The following PKIB variants were observed in gnomAD, a reference collection of about 807,000 sequenced individuals.
PKIB encodes the protein cAMP-dependent protein kinase inhibitor beta.
In PKIB, 2 loss-of-function variants were observed where a neutral mutation model predicts 4.5. That is an observed-to-expected ratio of 0.44 (90% CI 0.18 to 1.39). The LOEUF (loss-of-function observed/expected upper bound fraction) is 1.39. Ranked by LOEUF, PKIB falls within the 40% of genes most tolerant of loss-of-function variation. The pLI, the probability that PKIB is intolerant of heterozygous loss-of-function variation, is 0.27. For missense variants in PKIB, 94 were observed against 92.6 expected (o/e 1.02, Z -0.06); for synonymous variants, 38 against 36.0 (o/e 1.06, Z -0.20).
At chr6:122,557,891 G>C (rs1772893625) in intron 2 of PKIB, among the ~76,000 whole-genome samples, 2 of 152,092 alleles carry the variant, frequency 1.3e-5, no homozygotes, top group African/African-American at 4.8e-5. Flanking sequence ...GGTAAGGTCT[G>C]ATTTTTACAA....
intron 2 of PKIB, among the ~76,000 whole-genome samples, chr6:122,577,960 A>C (rs948443172): frequency 1.3e-5 from 2 of 151,876 alleles, no homozygotes; most frequent in Non-Finnish European, 2.9e-5. Context: ...TATTTAGAAC[A>C]CATTAACTGG....
chr6:122,637,999 A>T (rs1347873361), intron 2 of PKIB, among the ~76,000 whole-genome samples: 3 of 152,188 alleles, frequency 2.0e-5, no homozygotes, highest in Non-Finnish European at 4.4e-5. Flanking sequence ...TTAAAATAAC[A>T]TGTTAAAATA....
intron 3 of PKIB, among the ~76,000 whole-genome samples, chr6:122,708,906 T>C (rs1231725256): frequency 6.6e-6 from 1 of 152,182 alleles, no homozygotes; most frequent in Non-Finnish European, 1.5e-5. Flanking sequence ...ACCCTGAGAT[T>C]ACAGGCATGA....
intron 2 of PKIB, among the ~76,000 whole-genome samples, chr6:122,539,391 A>G (rs1016959570): frequency 6.6e-6 from 1 of 152,080 alleles, no homozygotes; most frequent in African/African-American, 2.4e-5. Context: ...TTTAGCATGA[A>G]GCATTGTTGC....
At chr6:122,657,135 ACTT>A (rs1776803169) in intron 2 of PKIB, among the ~76,000 whole-genome samples, 2 of 152,208 alleles carry the variant, frequency 1.3e-5, no homozygotes, top group Non-Finnish European at 2.9e-5. Flanking sequence ...TCACGTAGCT[ACTT>A]CTTATTTTGT....
At chr6:122,653,086 G>A (rs1297160574) in intron 2 of PKIB, among the ~76,000 whole-genome samples, 2 of 152,146 alleles carry the variant, frequency 1.3e-5, no homozygotes, top group African/African-American at 4.8e-5. Flanking sequence ...TTGGAGTTTG[G>A]TTTTGTTTGG....
intron 2 of PKIB, among the ~76,000 whole-genome samples, chr6:122,668,109 T>C (rs1362252223): frequency 2.0e-5 from 3 of 152,236 alleles, no homozygotes; most frequent in Non-Finnish European, 4.4e-5. Context: ...TGCAACCATA[T>C]GTAAAGGAAA....
chr6:122,565,336 C>T (rs971701298), intron 2 of PKIB, among the ~76,000 whole-genome samples: 1 of 152,150 alleles, frequency 6.6e-6, no homozygotes, highest in Non-Finnish European at 1.5e-5. Flanking sequence ...TTGTCAGCCT[C>T]TCTGAGTTTC....
At chr6:122,574,672 G>T (rs780402872) in intron 2 of PKIB, among the ~76,000 whole-genome samples, 2 of 151,978 alleles carry the variant, frequency 1.3e-5, no homozygotes, top group Non-Finnish European at 2.9e-5. Flanking sequence ...TCAATAAATG[G>T]TGATGGGAAA....
chr6:122,693,709 A>G (rs1279647088), intron 3 of PKIB, among the ~76,000 whole-genome samples: 3 of 152,230 alleles, frequency 2.0e-5, no homozygotes, highest in Non-Finnish European at 4.4e-5. Context: ...GAAAGCACTC[A>G]ATGAATATTT....
intron 2 of PKIB, among the ~76,000 whole-genome samples, chr6:122,657,622 G>A (rs1219199026): frequency 2.0e-5 from 3 of 152,142 alleles, no homozygotes; most frequent in African/African-American, 7.2e-5. Flanking sequence ...TATCTGCAAT[G>A]CTACTTCCTT....
intron 2 of PKIB, among the ~76,000 whole-genome samples, chr6:122,660,415 C>T (rs543773455): frequency 5.3e-5 from 8 of 152,300 alleles, no homozygotes; most frequent in South Asian, 2.1e-4. Flanking sequence ...TAAACGTATT[C>T]TCCTCTAAGG....
At chr6:122,665,028 A>G (rs1326492890) in intron 2 of PKIB, among the ~76,000 whole-genome samples, 1 of 152,212 alleles carries the variant, frequency 6.6e-6, no homozygotes, top group Non-Finnish European at 1.5e-5. Context: ...CAGCCTGTAC[A>G]GCCTAATACA....
intron 3 of PKIB, among the ~76,000 whole-genome samples, chr6:122,599,811 G>A: frequency 6.6e-6 from 1 of 152,044 alleles, no homozygotes; most frequent in East Asian, 1.9e-4. Context: ...ATTAGTAGTA[G>A]AGTCCCTAGC....
intron 2 of PKIB, among the ~76,000 whole-genome samples, chr6:122,557,914 C>G (rs1392325424): frequency 6.6e-6 from 1 of 152,114 alleles, no homozygotes; most frequent in Admixed American, 6.5e-5. Flanking sequence ...TATCCCTTAC[C>G]CCGTTGCACT....
chr6:122,578,305 A>G (rs1006090229), intron 2 of PKIB, among the ~76,000 whole-genome samples: 1 of 152,198 alleles, frequency 6.6e-6, no homozygotes, highest in Non-Finnish European at 1.5e-5. Flanking sequence ...TGCTACTTAC[A>G]TGAACAAAAA....
intron 2 of PKIB, among the ~76,000 whole-genome samples, chr6:122,570,130 CCT>C (rs1420106032): frequency 6.6e-6 from 1 of 152,162 alleles, no homozygotes; most frequent in East Asian, 1.9e-4. Flanking sequence ...AGTCACAACT[CCT>C]CTTTACTTAG....
At chr6:122,526,078 A>G (rs1777085044) in intron 2 of PKIB, among the ~76,000 whole-genome samples, 1 of 152,188 alleles carries the variant, frequency 6.6e-6, no homozygotes, top group Non-Finnish European at 1.5e-5. Context: ...TTTTATGCTC[A>G]TTCCTTAAAA....
intron 2 of PKIB, among the ~76,000 whole-genome samples, chr6:122,542,353 G>A (rs1777631719): frequency 6.6e-6 from 1 of 152,062 alleles, no homozygotes. Context: ...ACACACAGAA[G>A]GGTTTTTGGT....
Sources: allele counts gnomAD v4.1 joint callset (sites outside exome capture counted in the v4.1 genomes callset), GRCh38; gene constraint gnomAD v4.1.1; transcripts MANE v1.5; gene names NCBI Gene and HGNC (gene_info 2026-07-23, HGNC 2026-07-21).